Variants in MARCHF3 observed in about 807,000 individuals in gnomAD.
MARCHF3 encodes the protein membrane associated ring-CH-type finger 3.
A neutral mutation model predicts 24.2 loss-of-function variants in MARCHF3; 13 were observed. The ratio of observed to expected loss-of-function variants is 0.54; its 90% confidence interval spans 0.35 to 0.85. The LOEUF is 0.85. Ranked by LOEUF, MARCHF3 falls within the 40% of genes least tolerant of loss-of-function variation. The pLI, the probability that MARCHF3 is intolerant of heterozygous loss-of-function variation, is 0.01. For synonymous variants in MARCHF3, 144 were observed against 137.3 expected (o/e 1.05, Z -0.34); for missense variants, 276 against 325.0 (o/e 0.85, Z 1.16).
chr5:127,014,807 G>C (rs1049812715), intron 1 of MARCHF3, among the ~76,000 whole-genome samples: 4 of 152,166 alleles, frequency 2.6e-5, no homozygotes, highest in Admixed American at 2.6e-4. Flanking sequence ...GTTAGAAAGG[G>C]TAGGAGGAAG....
chr5:127,000,476 C>T (rs1428071412), intron 1 of MARCHF3, among the ~76,000 whole-genome samples: 1 of 152,116 alleles, frequency 6.6e-6, no homozygotes, highest in East Asian at 1.9e-4. Context: ...CCCAACAGTA[C>T]CAAGTCACCC....
chr5:126,896,648 C>G (rs968152097), intron 3 of MARCHF3, among the ~76,000 whole-genome samples: 1 of 152,100 alleles, frequency 6.6e-6, no homozygotes. Context: ...CAAATCATAT[C>G]TACTGTCGTG....
intron 1 of MARCHF3, among the ~76,000 whole-genome samples, chr5:126,992,812 C>T (rs1005638561): frequency 2.2e-4 from 29 of 130,334 alleles, no homozygotes; most frequent in Non-Finnish European, 3.1e-4. Flanking sequence ...GGCTCTATTG[C>T]CCAGGCTGGA....
At chr5:126,906,796 G>T (rs1754315649) in intron 3 of MARCHF3, among the ~76,000 whole-genome samples, 2 of 152,054 alleles carry the variant, frequency 1.3e-5, no homozygotes, top group Admixed American at 1.3e-4. Flanking sequence ...TTTTTGAAAG[G>T]TTTTTTGTGT....
intron 1 of MARCHF3, among the ~76,000 whole-genome samples, chr5:126,971,463 A>G (rs1018981844): frequency 1.1e-4 from 17 of 151,830 alleles, no homozygotes; most frequent in Non-Finnish European, 2.1e-4. Context: ...AAAAAAAAAA[A>G]AAAAGAAAAG....
chr5:126,991,465 T>C lies in MARCHF3; in HGVS notation c.-57+38885A>G, dbSNP rs966227048. 3.6e-4 allele frequency among the ~76,000 whole-genome samples: 55 copies of C among 152,278 alleles called. 1 individual carries two copies. Among genetic ancestry groups the C allele is most frequent in the African/African-American group, 1.3e-3 (55 of 41,542 alleles). On this transcript the variant is annotated intron_variant, in intron 1 of 4. Transcript: ENST00000308660. ...CTAATGTAAATGATGAGTTGATGGGTACAGCAAACCAACATGGCACATGTA... is the reference window on the plus strand; with the variant it reads ...CTAATGTAAATGATGAGTTGATGGGCACAGCAAACCAACATGGCACATGTA...
At chr5:126,898,907 CACAA>C (rs1339745964) in intron 3 of MARCHF3, 5 of 985,008 alleles carry the variant, frequency 5.1e-6, no homozygotes, top group Non-Finnish European at 4.8e-6. Context: ...CTTCAATCTT[CACAA>C]ACAGATTATA....
chr5:126,878,226 G>C lies in MARCHF3; in HGVS notation c.562C>G (p.Leu188Val), dbSNP rs779159722. ...SRLEAVGLIALTVALFTIYLF... is the reference protein window; with the variant it reads ...SRLEAVGLIAVTVALFTIYLF... ...TAAATAGTGAAGAGTGCGACAGTGAGTGCAATCAGTCCGACGGCTTCCAGC... is the reference window on the plus strand; with the variant it reads ...TAAATAGTGAAGAGTGCGACAGTGACTGCAATCAGTCCGACGGCTTCCAGC... Residue 188 changes from leucine (L) to valine (V), a missense_variant, in exon 4 of 5, where the codon CTC becomes GTC. By Grantham distance (32) the Leu-to-Val change is conservative. Transcript: ENST00000308660. 1.9e-6 allele frequency: 3 copies of C among 1,614,156 alleles called. No individual in the cohort carries two copies. The highest frequency in any genetic ancestry group is 3.3e-5 in the Admixed American group (2 of 60,004).
At chr5:126,918,313 C>T in intron 1 of MARCHF3, 86 bp from the exon 2 acceptor site, 1 of 819,632 alleles carries the variant, frequency 1.2e-6, no homozygotes. Context: ...ATCATCATGT[C>T]ATTATTTAAT....
chr5:126,879,012 G>A (rs1280668006), intron 3 of MARCHF3, among the ~76,000 whole-genome samples: 3 of 152,176 alleles, frequency 2.0e-5, no homozygotes, highest in African/African-American at 7.2e-5. Flanking sequence ...TGGGAGCCTG[G>A]AGTTTGAGTA....
intron 2 of MARCHF3, among the ~76,000 whole-genome samples, chr5:126,915,420 T>G (rs184849845): frequency 3.5e-4 from 53 of 152,374 alleles, no homozygotes; most frequent in African/African-American, 1.2e-3. Context: ...ATTTTTGCCT[T>G]GAATATAAAT....
At chr5:126,879,052 T>C (rs374461105) in intron 3 of MARCHF3, among the ~76,000 whole-genome samples, 2 of 152,174 alleles carry the variant, frequency 1.3e-5, no homozygotes, top group Non-Finnish European at 2.9e-5. Flanking sequence ...ATATTGCATG[T>C]CTGTGTGACT....
chr5:127,029,009 T>A (rs7709865), intron 1 of MARCHF3, among the ~76,000 whole-genome samples: 15,208 of 152,226 alleles, frequency 0.1, 1,211 homozygotes, highest in African/African-American at 0.22. Context: ...GGAACGCGGA[T>A]TCTGCACTGA....
chr5:126,890,472 A>G (rs1429082089), intron 3 of MARCHF3, among the ~76,000 whole-genome samples: 1 of 128,758 alleles, frequency 7.8e-6, no homozygotes, highest in East Asian at 2.3e-4. Flanking sequence ...AGACTGTGAT[A>G]TTCCCCTTCC....
At chr5:126,906,210 C>T (rs1388663355) in intron 3 of MARCHF3, among the ~76,000 whole-genome samples, 21 of 147,982 alleles carry the variant, frequency 1.4e-4, no homozygotes, top group Admixed American at 4.1e-4. Flanking sequence ...CTGCTGGATT[C>T]GGTTTGCCAG....
At chr5:126,911,289 C>T (rs1226674248) in intron 3 of MARCHF3, among the ~76,000 whole-genome samples, 1 of 152,188 alleles carries the variant, frequency 6.6e-6, no homozygotes, top group African/African-American at 2.4e-5. Context: ...GACTCCCTCC[C>T]CTTTTGAAAA....
At chr5:127,026,017 G>C (rs1210426637) in intron 1 of MARCHF3, among the ~76,000 whole-genome samples, 1 of 151,942 alleles carries the variant, frequency 6.6e-6, no homozygotes, top group Non-Finnish European at 1.5e-5. Flanking sequence ...TTGCTATGGG[G>C]ATAAGGGTAA....
intron 3 of MARCHF3, among the ~76,000 whole-genome samples, chr5:126,893,139 C>T (rs1389000527): frequency 1.3e-5 from 2 of 151,716 alleles, no homozygotes; most frequent in Admixed American, 1.3e-4. Flanking sequence ...GGTGATATCC[C>T]CTTTATCATT....
chr5:126,893,504 G>T (rs55885154), intron 3 of MARCHF3, among the ~76,000 whole-genome samples: 2 of 151,778 alleles, frequency 1.3e-5, no homozygotes, highest in African/African-American at 2.4e-5. Context: ...TGTTGTTGTT[G>T]GTTTCAAAGA....
Sources: gnomAD v4.1 joint callset for allele counts (sites outside exome capture counted in the v4.1 genomes callset) on GRCh38, gnomAD v4.1.1 for gene constraint, MANE v1.5 for transcripts, NCBI Gene and HGNC (gene_info 2026-07-23, HGNC 2026-07-21) for gene names.